Variants in ACOX3 observed in about 807,000 individuals in gnomAD.
The protein encoded by ACOX3 is peroxisomal acyl-coenzyme A oxidase 3.
A neutral mutation model predicts 81.5 loss-of-function variants in ACOX3; 73 were observed. That is an observed-to-expected ratio of 0.90 (90% confidence interval 0.74 to 1.09). The LOEUF (loss-of-function observed/expected upper bound fraction) is 1.09, where lower values mean the gene tolerates loss of function less well. Among genes scored for constraint, ACOX3 ranks in the 50% least tolerant of loss-of-function variants. The pLI is 0.00. For missense variants in ACOX3, 947 were observed against 928.0 expected, an observed-to-expected ratio of 1.02 and a Z score of -0.27; for synonymous variants, 387 against 375.1, an observed-to-expected ratio of 1.03 and a Z score of -0.37.
At position 8,414,890 on chromosome 4, in the gene ACOX3, T is replaced by A; in HGVS notation, c.417A>T (p.Arg139Ser). The change falls in exon 4 of 18, where the codon AGA becomes AGT. Residue 139 changes from arginine to serine, a missense_variant. Arg to Ser is a moderately radical substitution (Grantham distance 110). Transcript: ENST00000356406. The surrounding 1 kb of genome is among the most constrained non-coding windows in gnomAD (Gnocchi z 6.1). ...AGATCTTTTGAATATATGTGAGATG[T>A]CTTTCAGAACCAGAACTGTAAACTG... ...GSAVYSSGSERHLTYIQKIFR... is the reference protein window; with the variant it reads ...GSAVYSSGSESHLTYIQKIFR... 1.2e-6 allele frequency: 2 copies of A among 1,614,250 alleles called. No homozygotes were observed. Among genetic ancestry groups the A allele is most frequent in the Non-Finnish European group, 1.7e-6 (2 of 1,180,050 alleles).
chr4:8,380,485 G>T (rs564883103), intron 14 of ACOX3, among the ~76,000 whole-genome samples: 90 of 152,230 alleles, frequency 5.9e-4, no homozygotes, highest in African/African-American at 2.1e-3. Flanking sequence ...CACTGCACCT[G>T]GCCCAATCTG....
rs548060825 is a variant in ACOX3 at position 8,373,595 on chromosome 4, A to C, written c.1862T>G (p.Val621Gly). The C allele has an allele frequency of 9.3e-6, 15 of 1,613,330 alleles. No homozygotes were observed. Among genetic ancestry groups the C allele is most frequent in the Non-Finnish European group, 1.3e-5 (15 of 1,179,664 alleles). ...GYFSGEQAGE[V>G]LESAVLALCS... Reference sequence around the variant, plus strand: ...CAAAGCCAGGACGGCGCTCTCCAACACTTCTCCCGCCTGCTCACCGGAGAA... The same window carrying C: ...CAAAGCCAGGACGGCGCTCTCCAACCCTTCTCCCGCCTGCTCACCGGAGAA... Residue 621 changes from valine (V) to glycine (G), a missense_variant, in exon 16 of 18, where the codon GTG (valine) becomes GGG (glycine). By Grantham distance (109) the Val-to-Gly change is moderately radical. Transcript: ENST00000356406.
Position 8,389,763 on chromosome 4 carries a change from T to C in ACOX3, c.1301-29A>G. On this transcript the variant is annotated intron_variant, in intron 11 of 17. Coordinates refer to ENST00000356406, the MANE Select transcript of ACOX3 (RefSeq NM_003501.3). The surrounding 1 kb of genome is among the most constrained non-coding windows in gnomAD (Gnocchi z 5.3). Reference sequence around the variant, plus strand: ...CAACAAAGCCACAATAGTACCATCATTTAAGACGCATATTTGAGAAGCAGC... The same window carrying C: ...CAACAAAGCCACAATAGTACCATCACTTAAGACGCATATTTGAGAAGCAGC... The C allele has an allele frequency of 6.2e-7, 1 of 1,610,622 alleles. No homozygotes were observed. The highest frequency in any genetic ancestry group is 2.2e-5 in the East Asian group (1 of 44,798).
chr4:8,398,643 T>C (rs1269342728), intron 8 of ACOX3, among the ~76,000 whole-genome samples: 1 of 152,100 alleles, frequency 6.6e-6, no homozygotes, highest in Non-Finnish European at 1.5e-5. Flanking sequence ...GCCCGGCTAA[T>C]TTTTGCATTT....
rs1311891455 is a variant in ACOX3 at position 8,389,155 on chromosome 4, C to T, written c.1537+18G>A. ...AGGAAATCAGGAGGCCAGGGGAGCC[C>T]TCCACCTGTGTGTTTACCTGCAGAG... is the stretch of plus-strand genomic sequence containing the variant. On this transcript the variant is annotated intron_variant, in intron 13 of 17. Coordinates refer to ENST00000356406, the MANE Select transcript of ACOX3 (RefSeq NM_003501.3). The surrounding 1 kb of genome is among the most constrained non-coding windows in gnomAD (Gnocchi z 5.3). 3.7e-6 allele frequency: 6 copies of T among 1,602,434 alleles called. No homozygotes were observed. Among genetic ancestry groups the T allele is most frequent in the Non-Finnish European group, 5.1e-6 (6 of 1,170,288 alleles).
intron 16 of ACOX3, among the ~76,000 whole-genome samples, chr4:8,372,759 G>A (rs571048708): frequency 4.6e-4 from 70 of 152,332 alleles, no homozygotes; most frequent in African/African-American, 5.3e-4. Flanking sequence ...GAAAGGCCAC[G>A]TCTGCAGTCA....
At chr4:8,373,656 G>C (rs1716554198) in intron 15 of ACOX3, 28 bp from the exon 16 acceptor site, 2 of 1,601,898 alleles carry the variant, frequency 1.2e-6, no homozygotes, top group Admixed American at 1.7e-5. Flanking sequence ...GTCACATGGG[G>C]GCTGGGTCCA....
intron 6 of ACOX3, among the ~76,000 whole-genome samples, chr4:8,408,681 C>A (rs576727290): frequency 1.8e-4 from 27 of 152,278 alleles, no homozygotes; most frequent in Middle Eastern, 3.4e-3. Flanking sequence ...GGCCTTGTCC[C>A]TGCTTCCCAG....
chr4:8,382,843 T>C lies in ACOX3; in HGVS notation c.1538-1236A>G, dbSNP rs913142160. Among the ~76,000 whole-genome samples, 2 of 151,420 alleles carry C rather than the reference T, an allele frequency of 1.3e-5. No homozygotes were observed. The highest frequency in any genetic ancestry group is 2.9e-5 in the Non-Finnish European group (2 of 67,860). ...CCGTCTCTACTAAAAATACAAAAAA[T>C]TAGCCGGGCGCAGTGGCAGGCGCCT... On this transcript the variant is annotated intron_variant, in intron 13 of 17. Transcript: ENST00000356406. This position sits in a 1 kb window ranked among gnomAD's most constrained non-coding sequence, Gnocchi z 4.1.
intron 13 of ACOX3, among the ~76,000 whole-genome samples, chr4:8,387,449 C>T (rs181033216): frequency 5.3e-4 from 81 of 152,336 alleles, no homozygotes; most frequent in Admixed American, 1.5e-3. Context: ...CCTGGCCCGC[C>T]GGGACAGGGC....
In ACOX3 at chr4:8,437,218, C is replaced by T. The variant is rs1240427722; in HGVS notation, c.-15+3430G>A. ...AAGCAGAAGCTACAGGCATGAATAT[C>T]ACCCAGTCTATAAAAGTGGCCACCA... On this transcript the variant is annotated intron_variant, in intron 1 of 17. Coordinates refer to ENST00000356406, the MANE Select transcript of ACOX3 (RefSeq NM_003501.3). This position sits in a 1 kb window ranked among gnomAD's most constrained non-coding sequence, Gnocchi z 5.2. Among the ~76,000 whole-genome samples the T allele has an allele frequency of 6.7e-6, 1 of 150,230 alleles. No homozygotes were observed. Among genetic ancestry groups the T allele is most frequent in the African/African-American group, 2.4e-5 (1 of 40,850 alleles).
chr4:8,376,721 G>C (rs1457206571), intron 14 of ACOX3, among the ~76,000 whole-genome samples: 1 of 152,208 alleles, frequency 6.6e-6, no homozygotes, highest in Non-Finnish European at 1.5e-5. Context: ...GAGCATGCCA[G>C]CATGGGGCCT....
In ACOX3 at chr4:8,399,480, G is replaced by C; in HGVS notation, c.873+76C>G. On this transcript the variant is annotated intron_variant, in intron 8 of 17. Transcript: ENST00000356406. The surrounding 1 kb of genome is among the most constrained non-coding windows in gnomAD (Gnocchi z 4.9). Reference sequence around the variant, plus strand: ...GAGGGGTCTCCTTTCCAGGTGCAGGGAGGAGCACAGAGCCAGGCCCTGCAG... The same window carrying C: ...GAGGGGTCTCCTTTCCAGGTGCAGGCAGGAGCACAGAGCCAGGCCCTGCAG... 1 of 1,290,102 alleles carries C rather than the reference G, an allele frequency of 7.8e-7. No individual in the cohort carries two copies. The highest frequency in any genetic ancestry group is 2.3e-5 in the East Asian group (1 of 42,700). 79.9% of individuals were successfully genotyped at this position (1,290,102 alleles called of 1,614,324 possible). A position where few individuals can be genotyped will look rare whatever the true frequency, so the allele number is the denominator to read the frequency against.
Position 8,373,562 on chromosome 4 carries a change from T to C in ACOX3, c.1895A>G (p.Gln632Arg). The change falls in exon 16 of 18, where the codon CAG (glutamine) becomes CGG (arginine). Residue 632 changes from glutamine to arginine, a missense_variant and splice_region_variant. By Grantham distance (43) the Gln-to-Arg change is conservative. Coordinates refer to ENST00000356406, the MANE Select transcript of ACOX3 (RefSeq NM_003501.3). ...LESAVLALCS[Q>R]LKDDAVALVD... ...AACGCGACAGCACCCACGGCTCACC[T>C]GGGAACACAAAGCCAGGACGGCGCT... is the stretch of plus-strand genomic sequence containing the variant. The C allele has an allele frequency of 6.2e-7, 1 of 1,613,918 alleles. No individual in the cohort carries two copies. The highest frequency in any genetic ancestry group is 8.5e-7 in the Non-Finnish European group (1 of 1,179,948).
chr4:8,415,564 T>C (rs898679839), intron 3 of ACOX3, among the ~76,000 whole-genome samples: 1 of 151,738 alleles, frequency 6.6e-6, no homozygotes, highest in African/African-American at 2.4e-5. Flanking sequence ...TACATGATGG[T>C]GGATGGGCTT....
chr4:8,387,570 C>T (rs1166167641), intron 13 of ACOX3, among the ~76,000 whole-genome samples: 2 of 152,218 alleles, frequency 1.3e-5, no homozygotes, highest in African/African-American at 4.8e-5. Flanking sequence ...GGAGGCGTTG[C>T]TGCGGCTTTG....
chr4:8,397,270 G>C, intron 8 of ACOX3, 151 bp from the exon 9 acceptor site: 1 of 691,684 alleles, frequency 1.4e-6, no homozygotes, highest in Admixed American at 3.9e-5. Context: ...CCAAGACACA[G>C]GACGGTGCGG....
intron 13 of ACOX3, among the ~76,000 whole-genome samples, chr4:8,388,146 G>T (rs1056529758): frequency 6.6e-6 from 1 of 152,062 alleles, no homozygotes; most frequent in African/African-American, 2.4e-5. Context: ...TCCATCGGGG[G>T]TCCCCATGGC....
At position 8,423,774 on chromosome 4, in the gene ACOX3, G is replaced by T. The variant is rs1290078800; in HGVS notation, c.-14-7239C>A. Among the ~76,000 whole-genome samples the T allele has an allele frequency of 6.6e-6, 1 of 152,124 alleles. No homozygotes were observed. Among genetic ancestry groups the T allele is most frequent in the Non-Finnish European group, 1.5e-5 (1 of 68,040 alleles). ...CTGTACATCCTGACTCTCAATTCTT[G>T]CTTGCCTTTGAAGATCCTTTGAATC... On this transcript the variant is annotated intron_variant, in intron 1 of 17. Transcript: ENST00000356406. This position sits in a 1 kb window ranked among gnomAD's most constrained non-coding sequence, Gnocchi z 4.2.
Sources: gnomAD v4.1 joint callset for allele counts (sites outside exome capture counted in the v4.1 genomes callset) on GRCh38, gnomAD v4.1.1 for gene constraint, Gnocchi (gnomAD v3.1) non-coding constraint, MANE v1.5 for transcripts, NCBI Gene and HGNC (gene_info 2026-07-23, HGNC 2026-07-21) for gene names.